Variants in ITCH observed in about 807,000 individuals in gnomAD.
The protein encoded by ITCH is itchy E3 ubiquitin protein ligase, also known as E3 ubiquitin-protein ligase Itchy homolog.
ITCH carries 28 observed loss-of-function variants against 126.8 expected under a neutral mutation model. The ratio of observed to expected loss-of-function variants is 0.22; its 90% CI spans 0.16 to 0.30. The LOEUF is 0.30. Ranked by LOEUF, ITCH falls within the 10% of genes least tolerant of loss-of-function variation. ITCH has a pLI of 1.00. For synonymous variants in ITCH, 342 were observed against 340.0 expected, an observed-to-expected ratio of 1.01 and a Z score of -0.06; for missense variants, 631 against 1,032.4, an observed-to-expected ratio of 0.61 and a Z score of 5.33.
chr20:34,441,913 AC>A (rs1983808696), intron 9 of ITCH: 1 of 387,604 alleles, frequency 2.6e-6, no homozygotes, highest in Admixed American at 3.6e-5. Context: ...TCCTGATTAT[AC>A]CCTGATTGAG....
chr20:34,494,145 G>A (rs1341012478), intron 23 of ITCH, among the ~76,000 whole-genome samples: 2 of 152,158 alleles, frequency 1.3e-5, no homozygotes, highest in South Asian at 2.1e-4. Context: ...AGGGAGAATC[G>A]CTTGAACCCG....
At chr20:34,499,272 CTTTTTTTTTTTTTTTTTTT>C (rs386393666) in intron 23 of ITCH, among the ~76,000 whole-genome samples, 400 of 23,056 alleles carry the variant, frequency 0.017, 8 homozygotes, top group Non-Finnish European at 0.024. Flanking sequence ...CTGTGCCCAG[CTTTTTTTTTTTTTTTTTTT>C]TTTTTTTTTT....
chr20:34,373,467 G>A (rs926801743), intron 2 of ITCH, among the ~76,000 whole-genome samples: 12 of 152,032 alleles, frequency 7.9e-5, no homozygotes, highest in African/African-American at 2.9e-4. Flanking sequence ...CTAGAGATGG[G>A]GTTTCACCAT....
intron 20 of ITCH, among the ~76,000 whole-genome samples, chr20:34,482,392 T>C (rs1988816543): frequency 6.6e-6 from 1 of 152,230 alleles, no homozygotes; most frequent in South Asian, 2.1e-4. Flanking sequence ...ACTTAGTTAC[T>C]TCCTACATAC....
chr20:34,450,785 G>A (rs1222253543), intron 12 of ITCH: 1 of 152,208 alleles, frequency 6.6e-6, no homozygotes, highest in Admixed American at 6.5e-5. Flanking sequence ...GCAGTACTGA[G>A]TTATGGAGAA....
chr20:34,405,410 C>A (rs1403364392), intron 3 of ITCH, among the ~76,000 whole-genome samples: 2 of 151,964 alleles, frequency 1.3e-5, no homozygotes, highest in African/African-American at 4.8e-5. Context: ...GAGGCTGAGG[C>A]AGGAGAATCG....
At chr20:34,367,199 A>G (rs961224414) in intron 1 of ITCH, among the ~76,000 whole-genome samples, 1 of 152,130 alleles carries the variant, frequency 6.6e-6, no homozygotes, top group Admixed American at 6.6e-5. Flanking sequence ...TATTTTTGAG[A>G]TGGAGTCTTG....
At position 34,469,296 on chromosome 20, in the gene ITCH, CT is replaced by C. The variant is rs199837126; in HGVS notation, c.1425-741del. Among the ~76,000 whole-genome samples the C allele has an allele frequency of 9.9e-3, 1,435 of 144,910 alleles. 20 individuals are homozygous for C. The highest frequency in any genetic ancestry group is 0.07 in the East Asian group (353 of 5,034). ...TTAGCTGTCTTTTAGAAAATCCTTC[CT>C]TTTTTTTTTTAGACGGAGTCTAGCT... is the stretch of plus-strand genomic sequence containing the variant. On this transcript the variant is annotated intron_variant, in intron 14 of 24. Coordinates refer to ENST00000374864, the MANE Select transcript of ITCH (RefSeq NM_031483.7).
chr20:34,424,723 T>A (rs6119497), intron 7 of ITCH, among the ~76,000 whole-genome samples, 198 bp downstream of exon 7: 67,645 of 151,714 alleles, frequency 0.45, 15,579 homozygotes, highest in Middle Eastern at 0.5. Flanking sequence ...GGGCTAGGGA[T>A]AACCAAATTG....
Position 34,402,034 on chromosome 20 carries a change from G to A in ITCH, c.71-6617G>A, listed in dbSNP as rs375166062. ...GAGTACATGTGGGTAGGTGCAGTGC[G>A]TTTGTCATTATGGCAAAAACGAATT... On this transcript the variant is annotated intron_variant, in intron 3 of 24. Coordinates refer to ENST00000374864, the MANE Select transcript of ITCH (RefSeq NM_031483.7). 1.8e-4 allele frequency: 114 copies of A among 619,500 alleles called. 1 individual carries two copies. The highest frequency in any genetic ancestry group is 1.0e-3 in the South Asian group (56 of 53,828). 38.4% of individuals were successfully genotyped at this position (619,500 alleles called of 1,614,324 possible).
At chr20:34,478,040 A>G in intron 17 of ITCH, 180 bp downstream of exon 17, 1 of 731,654 alleles carries the variant, frequency 1.4e-6, no homozygotes. Flanking sequence ...AGCACTTTCT[A>G]TGTCATGTAC....
intron 11 of ITCH, among the ~76,000 whole-genome samples, chr20:34,448,090 A>ACC (rs1178233260): frequency 1.3e-5 from 2 of 152,198 alleles, no homozygotes; most frequent in Non-Finnish European, 2.9e-5. Flanking sequence ...TGACATTGTG[A>ACC]TTATGTAAGA....
Sources: allele counts gnomAD v4.1 joint callset (sites outside exome capture counted in the v4.1 genomes callset), GRCh38; gene constraint gnomAD v4.1.1; transcripts MANE v1.5; gene names NCBI Gene and HGNC (gene_info 2026-07-23, HGNC 2026-07-21).